Variants in COL3A1 observed in about 807,000 individuals in gnomAD.
The protein encoded by COL3A1 is collagen alpha-1(III) chain.
In COL3A1, 46 loss-of-function variants were observed where a neutral mutation model predicts 200.9. That is an observed-to-expected ratio of 0.23 (90% CI 0.18 to 0.29). The LOEUF (loss-of-function observed/expected upper bound fraction) is 0.29. COL3A1 is among the 10% of genes least tolerant of loss of function. The pLI is 1.00. For missense variants in COL3A1, 1,367 were observed against 1,917.6 expected (o/e 0.71, Z 5.36); for synonymous variants, 650 against 628.0 (o/e 1.03, Z -0.52).
intron 47 of COL3A1, chr2:189,008,444 C>A (rs1688645824): frequency 2.2e-6 from 1 of 454,786 alleles, no homozygotes; most frequent in South Asian, 2.2e-5. Flanking sequence ...CTCAGAATTA[C>A]AACATTCATA....
intron 24 of COL3A1, 103 bp downstream of exon 24, chr2:188,996,599 A>T: frequency 1.1e-6 from 1 of 905,336 alleles, no homozygotes. Context: ...TCTTCAAAGC[A>T]TGGAGGAGTA....
At chr2:188,984,278 C>T (rs948130504) in intron 1 of COL3A1, among the ~76,000 whole-genome samples, 1 of 151,836 alleles carries the variant, frequency 6.6e-6, no homozygotes, top group Non-Finnish European at 1.5e-5. Context: ...TTTTATGCTG[C>T]CAAGATTAGC....
Position 188,996,390 on chromosome 2 carries a change from C to T in COL3A1, c.1663-8C>T. On this transcript the variant is annotated splice_region_variant and splice_polypyrimidine_tract_variant and intron_variant, in intron 23 of 50. Coordinates refer to ENST00000304636, the MANE Select transcript of COL3A1 (RefSeq NM_000090.4). ...CAAACCTTTATTAATGTAATTTTTT[C>T]TTATTAGGGAAGTCAAGGAGAAAGT... The T allele has an allele frequency of 6.2e-7, 1 of 1,608,672 alleles. No homozygotes were observed. The highest frequency in any genetic ancestry group is 8.5e-7 in the Non-Finnish European group (1 of 1,176,684).
intron 35 of COL3A1, 125 bp downstream of exon 35, chr2:189,002,476 A>ATTATACCCCTATT: frequency 1.2e-6 from 1 of 832,994 alleles, no homozygotes; most frequent in East Asian, 2.6e-5. Flanking sequence ...CTATAGGATT[A>ATTATACCCCTATT]TTGTACCCCT....
rs752943240 is a variant in COL3A1 at position 189,011,590 on chromosome 2, TA to T, written c.4255-36del. On this transcript the variant is annotated intron_variant, in intron 50 of 50. Coordinates refer to ENST00000304636, the MANE Select transcript of COL3A1 (RefSeq NM_000090.4). ...TAAGTCAGAGTTGTCTAAGTAATTG[TA>T]ATGTCATGATCATGTACATTTTGTC... 227 of 1,612,650 alleles carry T rather than the reference TA, an allele frequency of 1.4e-4. No homozygotes were observed. The Middle Eastern group carries it at 1.5e-3, about 11-fold the overall frequency.
chr2:188,998,654 A>C lies in COL3A1; in HGVS notation c.1978-20A>C. 6.2e-7 allele frequency: 1 copy of C among 1,612,614 alleles called. No homozygotes were observed. Among genetic ancestry groups the C allele is most frequent in the Non-Finnish European group, 8.5e-7 (1 of 1,178,736 alleles). Reference sequence around the variant, plus strand: ...AATGCACTCTGATATGGGCCTAATCATATAATGCCAATCTCCCAGGGTCCA... The same window carrying C: ...AATGCACTCTGATATGGGCCTAATCCTATAATGCCAATCTCCCAGGGTCCA... On this transcript the variant is annotated intron_variant, in intron 28 of 50. Transcript: ENST00000304636.
chr2:189,006,769 A>G (rs1559061873), intron 43 of COL3A1, among the ~76,000 whole-genome samples, 168 bp from the exon 44 acceptor site: 1 of 152,190 alleles, frequency 6.6e-6, no homozygotes, highest in Non-Finnish European at 1.5e-5. Context: ...TGAGAAAGCT[A>G]TAAACAGGGC....
Position 188,991,017 on chromosome 2 carries a change from G to A in COL3A1, c.812G>A (p.Arg271Gln), listed in dbSNP as rs112185887. 2.7e-3 allele frequency: 4,380 copies of A among 1,613,090 alleles called. 14 individuals carry two copies. The highest frequency in any genetic ancestry group is 3.4e-3 in the Non-Finnish European group (4,040 of 1,179,374). The change falls in exon 11 of 51, where the codon CGA becomes CAA. Residue 271 changes from arginine to glutamine, a missense_variant. Coordinates refer to ENST00000304636, the MANE Select transcript of COL3A1 (RefSeq NM_000090.4). ...GMKGHRGFDGRNGEKGETGAP... is the reference protein window; with the variant it reads ...GMKGHRGFDGQNGEKGETGAP... ...TACATTTCCTAGGGCTTCGATGGAC[G>A]AAATGGAGAAAAGGGTGAAACAGGT...
rs541557925 is a variant in COL3A1, at chr2:188,999,568, G to A, written c.2220G>A (p.Lys740=). Reference sequence around the variant, plus strand: ...GAGGTCTTGGAAGTCCTGGTCCAAAGGGTGACAAGGTGTTGACTTGTTTTC... The same window carrying A: ...GAGGTCTTGGAAGTCCTGGTCCAAAAGGTGACAAGGTGTTGACTTGTTTTC... ...ERGGLGSPGP[K]GDKGEPGGPG... is the part of the protein sequence containing the mutation. The change falls in exon 31 of 51, where the codon AAG becomes AAA. Residue 740 remains lysine, a synonymous_variant. Transcript: ENST00000304636. 3.1e-6 allele frequency: 5 copies of A among 1,613,190 alleles called. No homozygotes were observed. Among genetic ancestry groups the A allele is most frequent in the South Asian group, 1.1e-5 (1 of 91,082 alleles).
At position 188,999,583 on chromosome 2, in the gene COL3A1, G is replaced by A. The variant is rs10186160; in HGVS notation, c.2229+6G>A. On this transcript the variant is annotated splice_donor_region_variant and intron_variant, in intron 31 of 50. Coordinates refer to ENST00000304636, the MANE Select transcript of COL3A1 (RefSeq NM_000090.4). Reference sequence around the variant, plus strand: ...CTGGTCCAAAGGGTGACAAGGTGTTGACTTGTTTTCTCTTAATTGTTCAAT... The same window carrying A: ...CTGGTCCAAAGGGTGACAAGGTGTTAACTTGTTTTCTCTTAATTGTTCAAT... 1.7e-5 allele frequency: 28 copies of A among 1,611,442 alleles called. No individual in the cohort carries two copies. In the African/African-American group the frequency reaches 3.6e-4, roughly 21 times the overall value.
chr2:188,990,042 A>T, intron 8 of COL3A1, 54 bp from the exon 9 acceptor site: 1 of 1,520,428 alleles, frequency 6.6e-7, no homozygotes, highest in Non-Finnish European at 9.1e-7. Context: ...CTTATTGGCT[A>T]CAATGTATTT....
intron 6 of COL3A1, 23 bp from the exon 7 acceptor site, chr2:188,988,567 T>A: frequency 1.3e-6 from 2 of 1,545,710 alleles, no homozygotes; most frequent in Non-Finnish European, 1.8e-6. Context: ...ACTTTAAAAT[T>A]ATTTACATAT....
intron 1 of COL3A1, among the ~76,000 whole-genome samples, chr2:188,976,286 T>TGG (rs146192798): frequency 1.3e-5 from 2 of 152,090 alleles, no homozygotes; most frequent in Non-Finnish European, 2.9e-5. Context: ...CCAACTTTAG[T>TGG]GGGGGGGTGT....
chr2:188,980,640 G>T (rs556572362), intron 1 of COL3A1, among the ~76,000 whole-genome samples: 1 of 150,566 alleles, frequency 6.6e-6, no homozygotes, highest in Non-Finnish European at 1.5e-5. Flanking sequence ...GCAAAACAGT[G>T]CTTTTAAATT....
chr2:189,001,336 G>T, intron 32 of COL3A1, 61 bp from the exon 33 acceptor site: 1 of 1,512,956 alleles, frequency 6.6e-7, no homozygotes, highest in South Asian at 1.1e-5. Flanking sequence ...CTTTCTGTTT[G>T]ATTAATGCAA....
chr2:188,993,011 T>G, intron 15 of COL3A1, 71 bp downstream of exon 15: 1 of 1,414,670 alleles, frequency 7.1e-7, no homozygotes. Context: ...GATTGCTTCT[T>G]GCAACTGATT....
rs200096572 is a variant in COL3A1 at position 189,004,217 on chromosome 2, G to A, written c.2824-40G>A. 220 of 1,603,184 alleles carry A rather than the reference G, an allele frequency of 1.4e-4. No individual in the cohort carries two copies. In the African/African-American group the frequency reaches 2.7e-3, roughly 20 times the overall value. ...CACAAATCGATTAGAGAAAAACACT[G>A]TCACATAAAGATGAGCTAAGTCTTC... On this transcript the variant is annotated intron_variant, in intron 39 of 50. Coordinates refer to ENST00000304636, the MANE Select transcript of COL3A1 (RefSeq NM_000090.4).
At position 189,004,379 on chromosome 2, in the gene COL3A1, T is replaced by C; in HGVS notation, c.2931+15T>C. ...AGGGTGTCAAGGTGAGTATAGTCAT[T>C]TTCCACTACACTCTTCCTTCCTTTG... On this transcript the variant is annotated intron_variant, in intron 40 of 50. Coordinates refer to ENST00000304636, the MANE Select transcript of COL3A1 (RefSeq NM_000090.4). The C allele has an allele frequency of 6.4e-7, 1 of 1,570,636 alleles. No individual in the cohort carries two copies. The highest frequency in any genetic ancestry group is 8.7e-7 in the Non-Finnish European group (1 of 1,154,310).
At chr2:188,986,732 C>T (rs568939540) in intron 4 of COL3A1, among the ~76,000 whole-genome samples, 13 of 151,958 alleles carry the variant, frequency 8.6e-5, no homozygotes, top group Middle Eastern at 3.4e-3. Context: ...CCTCAAACAG[C>T]CTATGATCCT....
Sources: allele counts gnomAD v4.1 joint callset (sites outside exome capture counted in the v4.1 genomes callset), GRCh38; gene constraint gnomAD v4.1.1; transcripts MANE v1.5; gene names NCBI Gene and HGNC (gene_info 2026-07-23, HGNC 2026-07-21).